Variants in ERBB4 observed in about 807,000 individuals in gnomAD.
ERBB4 encodes erb-b2 receptor tyrosine kinase 4.
Under a neutral mutation model 158.0 loss-of-function variants are expected in ERBB4, and 42 were observed. The ratio of observed to expected loss-of-function variants is 0.27; its 90% confidence interval spans 0.21 to 0.34. The LOEUF is 0.34. Among genes scored for constraint, ERBB4 ranks in the 10% least tolerant of loss-of-function variants. ERBB4 has a pLI of 1.00. For missense variants in ERBB4, 1,333 were observed against 1,624.1 expected (o/e 0.82, Z 3.08); for synonymous variants, 583 against 558.7 (o/e 1.04, Z -0.61).
At chr2:212,155,732 A>G (rs2081016392) in intron 1 of ERBB4, among the ~76,000 whole-genome samples, 1 of 152,096 alleles carries the variant, frequency 6.6e-6, no homozygotes, top group South Asian at 2.1e-4. Context: ...TAGCTGACAA[A>G]TCAGAGTAGT....
intron 2 of ERBB4, among the ~76,000 whole-genome samples, chr2:211,950,956 G>T (rs1309004565): frequency 6.6e-6 from 1 of 152,122 alleles, no homozygotes; most frequent in East Asian, 1.9e-4. Flanking sequence ...CTTAAAGAGA[G>T]ATTATACATA....
intron 2 of ERBB4, among the ~76,000 whole-genome samples, chr2:212,079,153 T>A (rs2078360542): frequency 1.3e-5 from 2 of 151,450 alleles, no homozygotes; most frequent in Non-Finnish European, 3.0e-5. Context: ...GATATACACA[T>A]AATTTTCTGG....
intron 2 of ERBB4, among the ~76,000 whole-genome samples, chr2:211,948,194 C>T (rs890631740): frequency 2.6e-5 from 4 of 151,938 alleles, no homozygotes; most frequent in African/African-American, 9.7e-5. Context: ...CCCAGCACTT[C>T]TGGAGGCTGA....
chr2:211,905,740 G>GTATA (rs1347742717), intron 3 of ERBB4, among the ~76,000 whole-genome samples: 17 of 95,958 alleles, frequency 1.8e-4, no homozygotes, highest in African/African-American at 4.7e-4. Context: ...GTGTGCATGT[G>GTATA]TGTGTATATA....
intron 19 of ERBB4, among the ~76,000 whole-genome samples, chr2:211,608,158 A>G (rs1302519567): frequency 1.3e-5 from 2 of 152,178 alleles, no homozygotes; most frequent in African/African-American, 4.8e-5. Context: ...ATGGAGCAAT[A>G]ATAAATAAGA....
rs150385626 is a variant in ERBB4 at position 212,178,960 on chromosome 2, T to A, written c.83-54057A>T. 2.8e-3 allele frequency among the ~76,000 whole-genome samples: 423 copies of A among 151,832 alleles called. 5 individuals carry two copies. Among genetic ancestry groups the A allele is most frequent in the Admixed American group, 0.014 (217 of 15,182 alleles). On this transcript the variant is annotated intron_variant, in intron 1 of 27. Transcript: ENST00000342788. ...TATCTGAATCAAGATTTAATTCTAA[T>A]CTTTTTATAGAAATGGCTAGAAATA...
intron 1 of ERBB4, among the ~76,000 whole-genome samples, chr2:212,357,902 G>A (rs781492906): frequency 8.6e-5 from 13 of 151,784 alleles, no homozygotes; most frequent in South Asian, 2.1e-4. Context: ...TCATGGTGTC[G>A]GATTCATTTG....
chr2:212,358,831 C>T (rs1224662257), intron 1 of ERBB4, among the ~76,000 whole-genome samples: 2 of 151,622 alleles, frequency 1.3e-5, no homozygotes, highest in Non-Finnish European at 2.9e-5. Context: ...ATATTGGATT[C>T]AAAATCTAAC....
intron 20 of ERBB4, among the ~76,000 whole-genome samples, chr2:211,450,771 TA>T (rs1317154083): frequency 1.3e-5 from 2 of 152,140 alleles, no homozygotes; most frequent in Non-Finnish European, 2.9e-5. Flanking sequence ...CATAAGTCTC[TA>T]AACCCTTACC....
intron 3 of ERBB4, among the ~76,000 whole-genome samples, chr2:211,945,903 T>G (rs547281555): frequency 1.3e-5 from 2 of 152,162 alleles, no homozygotes; most frequent in African/African-American, 4.8e-5. Flanking sequence ...TTTTCTTTAC[T>G]ATAATCAGAG....
intron 25 of ERBB4, among the ~76,000 whole-genome samples, chr2:211,388,530 A>G (rs534769356): frequency 3.3e-5 from 5 of 152,148 alleles, no homozygotes; most frequent in African/African-American, 1.2e-4. Flanking sequence ...TCTCCTGATT[A>G]AAAGGTATAT....
At chr2:211,865,168 G>A (rs969476521) in intron 3 of ERBB4, among the ~76,000 whole-genome samples, 19 of 151,238 alleles carry the variant, frequency 1.3e-4, no homozygotes, top group African/African-American at 4.6e-4. Context: ...CTTCATTAAA[G>A]TATATATCTA....
chr2:212,440,143 G>A (rs2092223209), intron 1 of ERBB4, among the ~76,000 whole-genome samples: 1 of 152,224 alleles, frequency 6.6e-6, no homozygotes, highest in Admixed American at 6.5e-5. Flanking sequence ...AATACTGAGT[G>A]TCAACTTGAT....
At chr2:212,475,862 C>T (rs1031056728) in intron 1 of ERBB4, among the ~76,000 whole-genome samples, 1 of 151,994 alleles carries the variant, frequency 6.6e-6, no homozygotes, top group South Asian at 2.1e-4. Flanking sequence ...CCACTTCTCC[C>T]TAGTCCCTTC....
chr2:212,505,716 G>T (rs1055658569), intron 1 of ERBB4, among the ~76,000 whole-genome samples: 1 of 148,860 alleles, frequency 6.7e-6, no homozygotes, highest in Admixed American at 6.7e-5. Context: ...AGTCAGTGTT[G>T]CCTATAATAC....
intron 1 of ERBB4, among the ~76,000 whole-genome samples, chr2:212,288,688 T>C (rs2086094218): frequency 6.6e-6 from 1 of 152,118 alleles, no homozygotes; most frequent in Non-Finnish European, 1.5e-5. Flanking sequence ...TGAGCCTAAT[T>C]TGTCATGGTT....
intron 1 of ERBB4, among the ~76,000 whole-genome samples, chr2:212,274,822 T>C (rs1194702371): frequency 6.6e-6 from 1 of 151,864 alleles, no homozygotes; most frequent in Non-Finnish European, 1.5e-5. Flanking sequence ...GTGCAGAACA[T>C]GCAGGTTTGT....
At chr2:212,188,257 TCC>T (rs2082087749) in intron 1 of ERBB4, among the ~76,000 whole-genome samples, 1 of 10,816 alleles carries the variant, frequency 9.2e-5, no homozygotes, top group African/African-American at 1.5e-4. Context: ...ACCCCCTCCC[TCC>T]CTCCCTCTTC....
chr2:212,359,415 A>T (rs2089597468), intron 1 of ERBB4, among the ~76,000 whole-genome samples: 1 of 151,662 alleles, frequency 6.6e-6, no homozygotes, highest in Admixed American at 6.6e-5. Flanking sequence ...GAAGGTTTAG[A>T]AGAAAATCAA....
Sources: gnomAD v4.1 joint callset for allele counts (sites outside exome capture counted in the v4.1 genomes callset) on GRCh38, gnomAD v4.1.1 for gene constraint, MANE v1.5 for transcripts, NCBI Gene and HGNC (gene_info 2026-07-23, HGNC 2026-07-21) for gene names.